ZNF676: variants seen among roughly 807,000 people sequenced by gnomAD.
ZNF676 encodes zinc finger protein 676.
ZNF676 carries 4 observed loss-of-function variants against 6.0 expected under a neutral mutation model. The ratio of observed to expected loss-of-function variants is 0.67; its 90% CI spans 0.33 to 1.53. The LOEUF (loss-of-function observed/expected upper bound fraction) is 1.53, where lower values mean the gene tolerates loss of function less well. ZNF676 is among the 40% of genes most tolerant of loss of function. The pLI is 0.06. For missense variants in ZNF676, 644 were observed against 679.7 expected (o/e 0.95, Z 0.58); for synonymous variants, 198 against 223.1 (o/e 0.89, Z 1.00).
At chr19:22,200,326 C>A (rs2024012045), upstream of ZNF676, among the ~76,000 whole-genome samples, 1 of 151,958 alleles carries the variant, frequency 6.6e-6, no homozygotes. Flanking sequence ...AATAACAACT[C>A]TTCCAATTAT....
intron 1 of ZNF676, among the ~76,000 whole-genome samples, chr19:22,194,843 C>G (rs1383923421): frequency 1.2e-4 from 19 of 152,178 alleles, no homozygotes; most frequent in Non-Finnish European, 1.8e-4. Flanking sequence ...TTCCCTCTCC[C>G]CAGGAACACC....
the ZNF676 span, among the ~76,000 whole-genome samples, chr19:22,253,398 TA>T: frequency 8.9e-4 from 55 of 61,886 alleles, no homozygotes; most frequent in African/African-American, 2.7e-3. Context: ...ATATATATGA[TA>T]ATGTGTATAT....
chr19:22,202,855 G>C (rs2024039716), intron 1 of ZNF676, among the ~76,000 whole-genome samples: 1 of 152,170 alleles, frequency 6.6e-6, no homozygotes. Context: ...TTTGCAACTT[G>C]AACCCCAGGG....
the ZNF676 span, among the ~76,000 whole-genome samples, chr19:22,249,026 G>A: frequency 5.9e-5 from 9 of 152,208 alleles, no homozygotes; most frequent in South Asian, 2.1e-4. Context: ...CACCACACCC[G>A]GCCATGTGTG....
chr19:22,202,385 G>C (rs917275319), intron 1 of ZNF676, among the ~76,000 whole-genome samples: 1 of 152,216 alleles, frequency 6.6e-6, no homozygotes, highest in Non-Finnish European at 1.5e-5. Context: ...AGTAGGCAGA[G>C]ACACAATTCC....
the ZNF676 span, among the ~76,000 whole-genome samples, chr19:22,226,052 C>G: frequency 6.6e-6 from 1 of 151,866 alleles, no homozygotes; most frequent in Non-Finnish European, 1.5e-5. Context: ...TTTTAAGACA[C>G]TTATTAGCTA....
At chr19:22,201,092 G>C (rs1171142791), upstream of ZNF676, among the ~76,000 whole-genome samples, 2 of 152,140 alleles carry the variant, frequency 1.3e-5, no homozygotes, top group African/African-American at 2.4e-5. Context: ...TACTTTGGCT[G>C]AACTCCAGAA....
the ZNF676 span, among the ~76,000 whole-genome samples, chr19:22,237,589 G>T: frequency 6.6e-6 from 1 of 152,150 alleles, no homozygotes; most frequent in African/African-American, 2.4e-5. Flanking sequence ...GTCCTGAGAA[G>T]AATCAACATT....
the ZNF676 span, among the ~76,000 whole-genome samples, chr19:22,231,927 T>C: frequency 6.6e-6 from 1 of 152,186 alleles, no homozygotes; most frequent in African/African-American, 2.4e-5. Context: ...TCAAAAACCG[T>C]CATATTTTAT....
chr19:22,258,617 G>T, the ZNF676 span, among the ~76,000 whole-genome samples: 1 of 152,158 alleles, frequency 6.6e-6, no homozygotes, highest in African/African-American at 2.4e-5. Flanking sequence ...CTAGGCAGGA[G>T]ATTTACATCA....
upstream of ZNF676, among the ~76,000 whole-genome samples, chr19:22,219,738 C>T (rs1441593849): frequency 6.6e-6 from 1 of 152,134 alleles, no homozygotes; most frequent in Admixed American, 6.5e-5. Context: ...TCACTGCAAT[C>T]TCCACCTCCC....
At chr19:22,247,329 T>C in the ZNF676 span, among the ~76,000 whole-genome samples, 1 of 151,934 alleles carries the variant, frequency 6.6e-6, no homozygotes, top group East Asian at 1.9e-4. Context: ...TCTGGGAGGC[T>C]GAGGCAGGTG....
At chr19:22,257,954 T>A in the ZNF676 span, among the ~76,000 whole-genome samples, 1 of 151,830 alleles carries the variant, frequency 6.6e-6, no homozygotes, top group Non-Finnish European at 1.5e-5. Context: ...GACAAGAGAG[T>A]CACATCATGT....
chr19:22,228,912 G>A, the ZNF676 span, among the ~76,000 whole-genome samples: 1 of 152,154 alleles, frequency 6.6e-6, no homozygotes, highest in Non-Finnish European at 1.5e-5. Flanking sequence ...TCAATATCAT[G>A]AAAATGGCCA....
chr19:22,245,961 G>T, the ZNF676 span, among the ~76,000 whole-genome samples: 244 of 152,160 alleles, frequency 1.6e-3, 3 homozygotes, highest in African/African-American at 5.4e-3. Context: ...AAGCCAAAAG[G>T]TTCCTTGTGG....
At chr19:22,194,951 CCAG>C (rs1225787583) in intron 1 of ZNF676, among the ~76,000 whole-genome samples, 1 of 152,138 alleles carries the variant, frequency 6.6e-6, no homozygotes, top group African/African-American at 2.4e-5. Flanking sequence ...GGGACCTATA[CCAG>C]CAGGATACAT....
the ZNF676 span, among the ~76,000 whole-genome samples, chr19:22,259,356 A>C: frequency 6.6e-6 from 1 of 152,216 alleles, no homozygotes; most frequent in Admixed American, 6.5e-5. Flanking sequence ...CCAAGGCATC[A>C]GATGAGAGTC....
chr19:22,247,383 G>A, the ZNF676 span, among the ~76,000 whole-genome samples: 1 of 151,814 alleles, frequency 6.6e-6, no homozygotes, highest in African/African-American at 2.4e-5. Context: ...GACCAACATG[G>A]AGAAAACCCA....
At chr19:22,208,164 T>C (rs1157037920) in intron 1 of ZNF676, among the ~76,000 whole-genome samples, 1 of 150,354 alleles carries the variant, frequency 6.7e-6, no homozygotes, top group Non-Finnish European at 1.5e-5. Flanking sequence ...AGAGACACCC[T>C]ACAAAATAAT....
Sources: allele counts gnomAD v4.1 joint callset (sites outside exome capture counted in the v4.1 genomes callset), GRCh38; gene constraint gnomAD v4.1.1; transcripts MANE v1.5; gene names NCBI Gene and HGNC (gene_info 2026-07-23, HGNC 2026-07-21).